Variants in JAKMIP3 observed in about 807,000 individuals in gnomAD.
The protein encoded by JAKMIP3 is Janus kinase and microtubule interacting protein 3.
Under a neutral mutation model 118.5 loss-of-function variants are expected in JAKMIP3, and 58 were observed. That is an observed-to-expected ratio of 0.49 (90% CI 0.40 to 0.61). The LOEUF (loss-of-function observed/expected upper bound fraction) is 0.61, where lower values mean the gene tolerates loss of function less well. JAKMIP3 is among the 20% of genes least tolerant of loss of function. The pLI is 0.00. For synonymous variants in JAKMIP3, 486 were observed against 451.2 expected (o/e 1.08, Z -0.98); for missense variants, 950 against 1,109.0 (o/e 0.86, Z 2.04).
chr10:132,148,199 C>A, intron 14 of JAKMIP3, 149 bp downstream of exon 14: 1 of 559,008 alleles, frequency 1.8e-6, no homozygotes, highest in Non-Finnish European at 3.2e-6. Context: ...GGCAAATGGC[C>A]GTAAACCGCC....
Position 132,136,932 on chromosome 10 carries a change from G to A in JAKMIP3, c.1117-87G>A, listed in dbSNP as rs1425683910. ...GCAGCTGAGAGTGGCAGCCCGGGTT[G>A]AGGGAGAAGACCCCCCCGCCGACCC... On this transcript the variant is annotated intron_variant, in intron 6 of 23. Coordinates refer to ENST00000684848, the MANE Select transcript of JAKMIP3 (RefSeq NM_001323087.2). 3.4e-6 allele frequency: 5 copies of A among 1,462,032 alleles called. No individual in the cohort carries two copies. In the South Asian group the frequency reaches 6.7e-5, roughly 20 times the overall value. The allele number at this position is 1,462,032 out of a possible 1,614,324, so 90.6% of individuals were successfully genotyped here.
intron 1 of JAKMIP3, among the ~76,000 whole-genome samples, chr10:132,066,417 T>C (rs1357079531): frequency 2.6e-5 from 4 of 152,006 alleles, no homozygotes; most frequent in African/African-American, 9.7e-5. Flanking sequence ...CCAGGCTGAG[T>C]CTGTGTATTG....
intron 1 of JAKMIP3, among the ~76,000 whole-genome samples, chr10:132,094,836 G>A (rs1408554056): frequency 6.6e-6 from 1 of 152,148 alleles, no homozygotes; most frequent in Non-Finnish European, 1.5e-5. Context: ...CAGGCTGGAT[G>A]GGGAAGGACC....
intron 9 of JAKMIP3, 48 bp downstream of exon 9, chr10:132,138,226 CGGAGAGGACCACGCCCGCGTGTGT>C: frequency 6.6e-7 from 1 of 1,513,196 alleles, no homozygotes; most frequent in Non-Finnish European, 9.0e-7. Flanking sequence ...CGGGTGTGTG[CGGAGAGGACCACGCCCGCGTGTGT>C]GGAGAGCGCT....
At chr10:132,037,791 C>T (rs562153511) in intron 1 of JAKMIP3, among the ~76,000 whole-genome samples, 2 of 152,218 alleles carry the variant, frequency 1.3e-5, no homozygotes, top group African/African-American at 2.4e-5. Flanking sequence ...CCTGGCCAAG[C>T]GCATATCTGG....
chr10:132,123,295 C>T (rs967817497), intron 3 of JAKMIP3, among the ~76,000 whole-genome samples: 1 of 152,138 alleles, frequency 6.6e-6, no homozygotes, highest in Admixed American at 6.5e-5. Context: ...TCTGGGTGCA[C>T]GCAGCTACTG....
chr10:132,075,881 A>G (rs1371849291), intron 1 of JAKMIP3, among the ~76,000 whole-genome samples: 2 of 152,042 alleles, frequency 1.3e-5, no homozygotes, highest in African/African-American at 4.8e-5. Flanking sequence ...ATTTGACAAC[A>G]CCTCCTCCCC....
At chr10:132,095,650 C>T (rs1050647108) in intron 1 of JAKMIP3, among the ~76,000 whole-genome samples, 1 of 152,120 alleles carries the variant, frequency 6.6e-6, no homozygotes, top group Non-Finnish European at 1.5e-5. Flanking sequence ...TGCAGTCGTT[C>T]TGGATGCAGA....
At chr10:132,082,035 A>G (rs1228554930) in intron 1 of JAKMIP3, among the ~76,000 whole-genome samples, 2 of 148,736 alleles carry the variant, frequency 1.3e-5, no homozygotes, top group Non-Finnish European at 3.0e-5. Context: ...TACCCTCCTC[A>G]TTGTGAGTCC....
chr10:132,139,122 CTG>C (rs746764620), intron 9 of JAKMIP3, among the ~76,000 whole-genome samples: 2,587 of 115,296 alleles, frequency 0.022, 73 homozygotes, highest in African/African-American at 0.076. Context: ...GTGTATGCAT[CTG>C]TGTGTGTGTG....
chr10:132,143,374 G>T (rs1338434564), intron 11 of JAKMIP3, among the ~76,000 whole-genome samples: 1 of 152,108 alleles, frequency 6.6e-6, no homozygotes, highest in South Asian at 2.1e-4. Context: ...GCGGGGGCGG[G>T]GCAACAGCCG....
chr10:132,105,084 C>T (rs973576757), intron 2 of JAKMIP3, 141 bp downstream of exon 2: 6 of 991,884 alleles, frequency 6.0e-6, no homozygotes, highest in African/African-American at 1.6e-5. Flanking sequence ...GGACAGACCA[C>T]TTGGTGGGGG....
At chr10:132,146,105 A>C (rs1285925488) in intron 13 of JAKMIP3, among the ~76,000 whole-genome samples, 1 of 151,930 alleles carries the variant, frequency 6.6e-6, no homozygotes, top group African/African-American at 2.4e-5. Context: ...CCCAGATGAC[A>C]AGAGGCTCCT....
chr10:132,084,217 C>T (rs1280760243), intron 1 of JAKMIP3, among the ~76,000 whole-genome samples: 1 of 152,136 alleles, frequency 6.6e-6, no homozygotes, highest in African/African-American at 2.4e-5. Context: ...TTTCTTTCAG[C>T]AGTGTTTTAT....
At chr10:132,104,181 C>T (rs1326428670) in intron 1 of JAKMIP3, among the ~76,000 whole-genome samples, 3 of 152,200 alleles carry the variant, frequency 2.0e-5, no homozygotes, top group Non-Finnish European at 4.4e-5. Flanking sequence ...CTGCTGTGAG[C>T]TGGGCGTGCG....
At chr10:132,064,316 C>T (rs962506417), upstream of JAKMIP3, among the ~76,000 whole-genome samples, 6 of 152,196 alleles carry the variant, frequency 3.9e-5, no homozygotes, top group Non-Finnish European at 5.9e-5. This position sits in a 1 kb window ranked among gnomAD's most constrained non-coding sequence, Gnocchi z 4.4. Flanking sequence ...TGTGTTGTTT[C>T]CCCAGGATCA....
Position 132,049,605 on chromosome 10 carries a change from G to A in JAKMIP3, c.-138+12867G>A, listed in dbSNP as rs532352461. Reference sequence around the variant, plus strand: ...TTCCATATCCTTGAATGCTGTTTGCGTGTGCCCGGTTCTGTTTGGATGTAC... The same window carrying A: ...TTCCATATCCTTGAATGCTGTTTGCATGTGCCCGGTTCTGTTTGGATGTAC... On this transcript the variant is annotated intron_variant, in intron 1 of 23. Transcript: ENST00000657785. The surrounding 1 kb of genome is among the most constrained non-coding windows in gnomAD (Gnocchi z 4.3). 8.6e-5 allele frequency among the ~76,000 whole-genome samples: 13 copies of A among 151,592 alleles called. No homozygotes were observed. Among genetic ancestry groups the A allele is most frequent in the Non-Finnish European group, 1.5e-4 (10 of 67,968 alleles).
intron 1 of JAKMIP3, among the ~76,000 whole-genome samples, chr10:132,053,146 C>G (rs946717352): frequency 6.6e-6 from 1 of 152,172 alleles, no homozygotes; most frequent in African/African-American, 2.4e-5. Flanking sequence ...GGAGGCTCTC[C>G]AGTTGGGAAC....
At chr10:132,059,200 G>A (rs943917573) in intron 1 of JAKMIP3, among the ~76,000 whole-genome samples, 1 of 152,240 alleles carries the variant, frequency 6.6e-6, no homozygotes, top group South Asian at 2.1e-4. Flanking sequence ...CTCCCGCTGA[G>A]CTTCCTTTGG....
Sources: gnomAD v4.1 joint callset for allele counts (sites outside exome capture counted in the v4.1 genomes callset) on GRCh38, gnomAD v4.1.1 for gene constraint, Gnocchi (gnomAD v3.1) non-coding constraint, MANE v1.5 for transcripts, NCBI Gene and HGNC (gene_info 2026-07-23, HGNC 2026-07-21) for gene names.